PRR16: variants seen among roughly 807,000 people sequenced by gnomAD.
PRR16 encodes protein Largen.
In PRR16, 6 loss-of-function variants were observed where a neutral mutation model predicts 18.2. That is an observed-to-expected ratio of 0.33 (90% confidence interval 0.18 to 0.65). PRR16 has a LOEUF of 0.65. PRR16 is among the 30% of genes least tolerant of loss of function. The pLI is 0.74. For missense variants in PRR16, 412 were observed against 376.6 expected, an observed-to-expected ratio of 1.09 and a Z score of -0.78; for synonymous variants, 151 against 147.8, an observed-to-expected ratio of 1.02 and a Z score of -0.16.
chr5:120,671,851 A>G lies in PRR16; in HGVS notation c.160-14103A>G, dbSNP rs182804562. Among the ~76,000 whole-genome samples the G allele has an allele frequency of 1.1e-4, 16 of 152,278 alleles. No homozygotes were observed. In the East Asian group the frequency reaches 2.7e-3, roughly 26 times the overall value. On this transcript the variant is annotated intron_variant, in intron 1 of 1. Coordinates refer to ENST00000407149, the MANE Select transcript of PRR16 (RefSeq NM_001300783.2). ...GAAAAAGAGAGAAGTTAGAAATCTCATGAACATAACTTATTTACCACCCAG... is the reference window on the plus strand; with the variant it reads ...GAAAAAGAGAGAAGTTAGAAATCTCGTGAACATAACTTATTTACCACCCAG...
At chr5:120,716,717 A>G in the PRR16 span, among the ~76,000 whole-genome samples, 10 of 152,190 alleles carry the variant, frequency 6.6e-5, no homozygotes, top group African/African-American at 2.4e-4. Flanking sequence ...TCTTCTAAAA[A>G]TACAAAAATC....
chr5:120,623,443 C>G (rs188924462), intron 1 of PRR16, among the ~76,000 whole-genome samples: 4 of 152,212 alleles, frequency 2.6e-5, no homozygotes, highest in African/African-American at 7.2e-5. Flanking sequence ...GAATACCCGG[C>G]TTTGAAACCC....
At chr5:120,765,508 GA>G in the PRR16 span, among the ~76,000 whole-genome samples, 1 of 151,926 alleles carries the variant, frequency 6.6e-6, no homozygotes, top group African/African-American at 2.4e-5. Context: ...TCATTTAAAA[GA>G]ACATTTTTTC....
intron 1 of PRR16, among the ~76,000 whole-genome samples, chr5:120,534,177 G>A (rs1331143079): frequency 6.6e-6 from 1 of 152,136 alleles, no homozygotes; most frequent in Non-Finnish European, 1.5e-5. Flanking sequence ...AAATTGGGTT[G>A]CCATTGGCAA....
chr5:120,571,890 T>C (rs1349171457), intron 1 of PRR16, among the ~76,000 whole-genome samples: 1 of 152,134 alleles, frequency 6.6e-6, no homozygotes, highest in Admixed American at 6.6e-5. Context: ...CAAGACAGCT[T>C]CACATACATG....
At chr5:120,769,871 GTTTTC>G in the PRR16 span, among the ~76,000 whole-genome samples, 10 of 151,728 alleles carry the variant, frequency 6.6e-5, no homozygotes, top group Non-Finnish European at 1.2e-4. Flanking sequence ...ACTGACACTT[GTTTTC>G]TTTTGATTTT....
chr5:120,555,934 G>A (rs988746647), intron 1 of PRR16, among the ~76,000 whole-genome samples: 4 of 150,708 alleles, frequency 2.7e-5, no homozygotes, highest in Admixed American at 6.6e-5. Flanking sequence ...TTGAAAAATT[G>A]ATTAAAAAAG....
Position 120,549,821 on chromosome 5 carries a change from G to T in PRR16, c.159+85176G>T, listed in dbSNP as rs1317175099. Among the ~76,000 whole-genome samples the T allele has an allele frequency of 2.6e-5, 4 of 151,904 alleles. No individual in the cohort carries two copies. The East Asian group carries it at 7.8e-4, about 29-fold the overall frequency. On this transcript the variant is annotated intron_variant, in intron 1 of 1. Coordinates refer to ENST00000407149, the MANE Select transcript of PRR16 (RefSeq NM_001300783.2). ...AACACGTACTATCCACAGAAACATT[G>T]CCAGACACCTAGGGATACAATGCAG...
At chr5:120,487,769 A>G (rs1749864194) in intron 1 of PRR16, among the ~76,000 whole-genome samples, 1 of 152,112 alleles carries the variant, frequency 6.6e-6, no homozygotes, top group African/African-American at 2.4e-5. Flanking sequence ...ATTTAGTATG[A>G]TATTGGCTGT....
intron 1 of PRR16, among the ~76,000 whole-genome samples, chr5:120,664,953 G>C (rs997489777): frequency 2.0e-5 from 3 of 151,878 alleles, no homozygotes; most frequent in Non-Finnish European, 4.4e-5. Flanking sequence ...GTGATTTATA[G>C]TCCTTTGGGT....
intron 1 of PRR16, among the ~76,000 whole-genome samples, chr5:120,596,708 T>A (rs1178427924): frequency 1.3e-5 from 2 of 151,822 alleles, no homozygotes; most frequent in African/African-American, 4.8e-5. Flanking sequence ...TCGTTCTCCC[T>A]TTCTCTGTCC....
At chr5:120,580,600 G>T (rs895206002) in intron 1 of PRR16, among the ~76,000 whole-genome samples, 5 of 151,806 alleles carry the variant, frequency 3.3e-5, no homozygotes, top group African/African-American at 1.2e-4. Context: ...GACTACAGGT[G>T]CCTGCCACCA....
At chr5:120,656,579 A>G (rs576063442) in intron 1 of PRR16, among the ~76,000 whole-genome samples, 3 of 151,930 alleles carry the variant, frequency 2.0e-5, no homozygotes, top group Non-Finnish European at 4.4e-5. Context: ...ATTAGTTGTG[A>G]CAAAAAATAT....
the PRR16 span, among the ~76,000 whole-genome samples, chr5:120,726,670 A>T: frequency 6.6e-6 from 1 of 152,102 alleles, no homozygotes; most frequent in African/African-American, 2.4e-5. Flanking sequence ...AATAGACAAC[A>T]AAGGAGTACT....
chr5:120,775,532 C>A, the PRR16 span, among the ~76,000 whole-genome samples: 1 of 152,188 alleles, frequency 6.6e-6, no homozygotes, highest in Admixed American at 6.5e-5. Flanking sequence ...GTTTCCTAAC[C>A]TGCTATTCCT....
chr5:120,741,176 A>G, the PRR16 span, among the ~76,000 whole-genome samples: 1 of 151,982 alleles, frequency 6.6e-6, no homozygotes, highest in Non-Finnish European at 1.5e-5. Flanking sequence ...TGTGGACCTT[A>G]AATTTGCTGA....
chr5:120,603,418 C>T (rs563884771), intron 1 of PRR16, among the ~76,000 whole-genome samples: 25 of 152,106 alleles, frequency 1.6e-4, no homozygotes, highest in African/African-American at 1.9e-4. Context: ...TCACCTTTGC[C>T]ATTTCTGATT....
At chr5:120,621,887 C>T (rs1524560) in intron 1 of PRR16, among the ~76,000 whole-genome samples, 50,398 of 152,008 alleles carry the variant, frequency 0.33, 8,716 homozygotes, top group Middle Eastern at 0.5. Context: ...TTTAGAGCAA[C>T]AGGAAAACAG....
the PRR16 span, among the ~76,000 whole-genome samples, chr5:120,712,622 GAAA>G: frequency 6.6e-6 from 1 of 151,170 alleles, no homozygotes; most frequent in Non-Finnish European, 1.5e-5. Flanking sequence ...AATAGTAAAA[GAAA>G]AAAAATCCAA....
Sources: allele counts gnomAD v4.1 joint callset (sites outside exome capture counted in the v4.1 genomes callset), GRCh38; gene constraint gnomAD v4.1.1; transcripts MANE v1.5; gene names NCBI Gene and HGNC (gene_info 2026-07-23, HGNC 2026-07-21).